SFXN4: variants seen among roughly 807,000 people sequenced by gnomAD.
SFXN4 encodes sideroflexin-4.
Under a neutral mutation model 54.6 loss-of-function variants are expected in SFXN4, and 48 were observed. The observed-to-expected ratio is 0.88, with a 90% CI of 0.70 to 1.12. SFXN4 has a LOEUF of 1.12. Among genes scored for constraint, SFXN4 ranks in the 50% most tolerant of loss-of-function variants. The pLI is 0.00. For missense variants in SFXN4, 383 were observed against 409.2 expected, an observed-to-expected ratio of 0.94 and a Z score of 0.55; for synonymous variants, 130 against 145.5, an observed-to-expected ratio of 0.89 and a Z score of 0.77.
At position 119,147,828 on chromosome 10, in the gene SFXN4, C is replaced by T. The variant is rs1846883528; in HGVS notation, c.765G>A (p.Val255=). 6.2e-7 allele frequency: 1 copy of T among 1,614,006 alleles called. No homozygotes were observed. The highest frequency in any genetic ancestry group is 1.3e-5 in the African/African-American group (1 of 74,918). The change falls in exon 12 of 14, where the codon GTG becomes GTA. Residue 255 remains valine (V), a synonymous_variant. Transcript: ENST00000355697. ...GAATCAGAGCTGAGGTCCCAAACAG[C>T]ACTATTCTGGATGCTAGCGTTTCTC... ...AVRETLASRI[V]LFGTSALIPE...
At chr10:119,160,215 T>G (rs1468472920) in intron 5 of SFXN4, among the ~76,000 whole-genome samples, 1 of 151,974 alleles carries the variant, frequency 6.6e-6, no homozygotes, top group Non-Finnish European at 1.5e-5. Context: ...GTACATAAAA[T>G]TACTATAACA....
intron 1 of SFXN4, chr10:119,165,076 G>T: frequency 3.2e-6 from 1 of 312,454 alleles, no homozygotes; most frequent in Non-Finnish European, 4.7e-6. Context: ...TACCTGTAAG[G>T]CTCACATCAT....
chr10:119,143,822 C>G (rs1846663842), intron 13 of SFXN4, among the ~76,000 whole-genome samples: 1 of 152,032 alleles, frequency 6.6e-6, no homozygotes, highest in South Asian at 2.1e-4. Context: ...CACTACATTC[C>G]CCAGGCTGGT....
Position 119,147,812 on chromosome 10 carries a change from C to G in SFXN4, c.781G>C (p.Ala261Pro). 6.2e-7 allele frequency: 1 copy of G among 1,614,154 alleles called. No homozygotes were observed. The highest frequency in any genetic ancestry group is 8.5e-7 in the Non-Finnish European group (1 of 1,180,000). Residue 261 changes from alanine to proline, a missense_variant, in exon 12 of 14, where the codon GCT (alanine) becomes CCT (proline). Ala to Pro is a conservative substitution (Grantham distance 27). Coordinates refer to ENST00000355697, the MANE Select transcript of SFXN4 (RefSeq NM_213649.2). ...ASRIVLFGTS[A>P]LIPEVFTYFF... ...TAGGTGAAGACTTCAGGAATCAGAG[C>G]TGAGGTCCCAAACAGCACTATTCTG...
At chr10:119,156,580 A>G (rs1308178373) in intron 10 of SFXN4, 98 bp downstream of exon 10, 2 of 941,412 alleles carry the variant, frequency 2.1e-6, no homozygotes, top group Admixed American at 2.2e-5. Context: ...ATCAGTCACA[A>G]TGTGCCAAGG....
intron 12 of SFXN4, among the ~76,000 whole-genome samples, chr10:119,146,697 T>C (rs978933729): frequency 3.3e-5 from 5 of 152,030 alleles, no homozygotes; most frequent in African/African-American, 7.2e-5. Flanking sequence ...GCCTCCCGAG[T>C]AGCTGGGATT....
intron 5 of SFXN4, among the ~76,000 whole-genome samples, chr10:119,159,977 G>C (rs1847453000): frequency 6.6e-6 from 1 of 152,096 alleles, no homozygotes; most frequent in African/African-American, 2.4e-5. Context: ...AGGAGTTCGA[G>C]ACCAGCCTCT....
In SFXN4 at chr10:119,141,144, G is replaced by A. The variant is rs1343705735; in HGVS notation, c.*98C>T. 2 of 808,766 alleles carry A rather than the reference G, an allele frequency of 2.5e-6. No individual in the cohort carries two copies. Among genetic ancestry groups the A allele is most frequent in the South Asian group, 1.6e-5 (1 of 62,700 alleles). The allele number at this position is 808,766 out of a possible 1,614,324, so 50.1% of individuals were successfully genotyped here. A position where few individuals can be genotyped will look rare whatever the true frequency, so the allele number is the denominator to read the frequency against. Reference sequence around the variant, plus strand: ...TCGCCTTGTCAGCACAGACACCTCTGGGGTCCCCAGAAGACCTGTGGCAAA... The same window carrying A: ...TCGCCTTGTCAGCACAGACACCTCTAGGGTCCCCAGAAGACCTGTGGCAAA... On this transcript the variant is annotated 3_prime_UTR_variant, in exon 14 of 14. Transcript: ENST00000355697.
At chr10:119,165,255 A>C in intron 1 of SFXN4, 1 of 1,153,704 alleles carries the variant, frequency 8.7e-7, no homozygotes. Context: ...CAGCTCAGGC[A>C]GTAGGGAGCA....
chr10:119,154,593 A>G (rs1445262062), intron 11 of SFXN4, among the ~76,000 whole-genome samples: 1 of 152,176 alleles, frequency 6.6e-6, no homozygotes, highest in Non-Finnish European at 1.5e-5. Context: ...GCACTTTGGG[A>G]GACCGAGGTG....
At chr10:119,154,911 G>A (rs536589051) in intron 11 of SFXN4, 151 bp downstream of exon 11, 2 of 603,934 alleles carry the variant, frequency 3.3e-6, no homozygotes, top group Admixed American at 5.4e-5. Flanking sequence ...TCTTATCAGG[G>A]GGCAAAATGA....
chr10:119,162,410 CT>C lies in SFXN4; in HGVS notation c.181del (p.Ser61ValfsTer2). The C allele has an allele frequency of 6.2e-7, 1 of 1,613,518 alleles. No individual in the cohort carries two copies. On this transcript the variant is annotated frameshift_variant, in exon 3 of 14. Transcript: ENST00000355697. LOFTEE classifies it high-confidence loss of function. ...CAATAGTTGCCTCGAGTTTTCTATA[CT>C]TTCCTAAAATCAGATATCAAGTAAT... ...DPTNVFISVE[S>X]IENSRQLLCT...
chr10:119,152,730 A>ATAGGATTTAAAGTAATATGTT (rs1426011436), intron 11 of SFXN4, among the ~76,000 whole-genome samples: 98 of 152,106 alleles, frequency 6.4e-4, no homozygotes, highest in Non-Finnish European at 1.0e-3. Context: ...TCAGTCAGTG[A>ATAGGATTTAAAGTAATATGTT]TAGGATTTAA....
chr10:119,157,821 C>T, intron 8 of SFXN4, 50 bp downstream of exon 8: 1 of 1,608,660 alleles, frequency 6.2e-7, no homozygotes, highest in Non-Finnish European at 8.5e-7. Flanking sequence ...CAACAAACTC[C>T]AAAAGGAATA....
At chr10:119,159,648 G>T in intron 6 of SFXN4, 80 bp downstream of exon 6, 1 of 1,449,546 alleles carries the variant, frequency 6.9e-7, no homozygotes, top group South Asian at 1.1e-5. Flanking sequence ...CGGAGCTGGA[G>T]GGACACAGCT....
Position 119,158,067 on chromosome 10 carries a change from TAAG to T in SFXN4, c.361-8_361-6del, listed in dbSNP as rs754190056. ...TGGCGTCATTGACAAAAATACCTTT[TAAG>T]AAGACAGTGGAACAGAGTTACAAGT... On this transcript the variant is annotated splice_polypyrimidine_tract_variant and splice_region_variant and intron_variant, in intron 6 of 13. Coordinates refer to ENST00000355697, the MANE Select transcript of SFXN4 (RefSeq NM_213649.2). 6 of 1,613,642 alleles carry T rather than the reference TAAG, an allele frequency of 3.7e-6. No individual in the cohort carries two copies. The highest frequency in any genetic ancestry group is 3.3e-5 in the South Asian group (3 of 91,078).
At chr10:119,156,619 G>A in intron 10 of SFXN4, 59 bp downstream of exon 10, 2 of 1,324,818 alleles carry the variant, frequency 1.5e-6, no homozygotes, top group East Asian at 2.4e-5. Flanking sequence ...GATGAAGGAA[G>A]GCTCACAGAC....
At chr10:119,152,202 G>A (rs564626342) in intron 11 of SFXN4, among the ~76,000 whole-genome samples, 1 of 145,940 alleles carries the variant, frequency 6.9e-6, no homozygotes, top group Non-Finnish European at 1.5e-5. Context: ...CCTCAATAAA[G>A]CTGTTTGAAA....
Position 119,155,116 on chromosome 10 carries a change from C to T in SFXN4, c.678G>A (p.Ala226=), listed in dbSNP as rs34251123. 2,975 of 1,614,166 alleles carry T rather than the reference C, an allele frequency of 1.8e-3. 51 individuals carry two copies. In the African/African-American group the frequency reaches 0.034, roughly 18 times the overall value. The change falls in exon 11 of 14, where the codon GCG becomes GCA. Residue 226 remains alanine, a synonymous_variant. Transcript: ENST00000355697. ...GGACATTGCCTTCCTTGTCCATGACCGCAATCCCCTTAATGGATTCAAGAC... is the reference window on the plus strand; with the variant it reads ...GGACATTGCCTTCCTTGTCCATGACTGCAATCCCCTTAATGGATTCAAGAC... ...SRSLESIKGI[A]VMDKEGNVLG... is the part of the protein sequence containing the mutation.
Sources: allele counts gnomAD v4.1 joint callset (sites outside exome capture counted in the v4.1 genomes callset), GRCh38; gene constraint gnomAD v4.1.1; transcripts MANE v1.5; gene names NCBI Gene and HGNC (gene_info 2026-07-23, HGNC 2026-07-21).